Variants in CDKL4 observed in about 807,000 individuals in gnomAD.
CDKL4 encodes cyclin dependent kinase like 4.
A neutral mutation model predicts 42.0 loss-of-function variants in CDKL4; 44 were observed. That is an observed-to-expected ratio of 1.05 (90% confidence interval 0.82 to 1.35). The LOEUF (loss-of-function observed/expected upper bound fraction) is 1.35, where lower values mean the gene tolerates loss of function less well. Among genes scored for constraint, CDKL4 ranks in the 40% most tolerant of loss-of-function variants. CDKL4 has a pLI of 0.00. For missense variants in CDKL4, 393 were observed against 369.9 expected, an observed-to-expected ratio of 1.06 and a Z score of -0.51; for synonymous variants, 120 against 121.6, an observed-to-expected ratio of 0.99 and a Z score of 0.09.
At chr2:39,198,647 CA>C (rs1676664486) in intron 5 of CDKL4, among the ~76,000 whole-genome samples, 2 of 152,020 alleles carry the variant, frequency 1.3e-5, no homozygotes, top group Admixed American at 6.5e-5. Flanking sequence ...TCACAGATCA[CA>C]GTGGAATAGA....
intron 3 of CDKL4, 59 bp from the exon 4 acceptor site, chr2:39,213,531 G>A (rs1677712865): frequency 8.5e-6 from 10 of 1,181,762 alleles, no homozygotes; most frequent in Non-Finnish European, 1.3e-5. Flanking sequence ...CAGAAGCAAG[G>A]GCTGGGAATA....
At chr2:39,229,191 G>A in intron 2 of CDKL4, among the ~76,000 whole-genome samples, 174 bp downstream of exon 2, 1 of 152,172 alleles carries the variant, frequency 6.6e-6, no homozygotes, top group East Asian at 1.9e-4. Context: ...TTCATACACA[G>A]ACAAAATCAG....
intron 7 of CDKL4, among the ~76,000 whole-genome samples, chr2:39,185,282 GTATATATACATA>G (rs1387474618): frequency 2.9e-5 from 1 of 34,276 alleles, no homozygotes. Context: ...ATACACATAT[GTATATATACATA>G]TATATACACA....
chr2:39,188,542 C>T (rs1005379970), intron 6 of CDKL4, among the ~76,000 whole-genome samples: 10 of 103,634 alleles, frequency 9.6e-5, no homozygotes, highest in South Asian at 7.1e-4. Flanking sequence ...AGCCTGGCAA[C>T]AGAGTGACAG....
chr2:39,212,455 G>A (rs1257606986), intron 4 of CDKL4, among the ~76,000 whole-genome samples: 1 of 151,696 alleles, frequency 6.6e-6, no homozygotes, highest in Admixed American at 6.6e-5. Flanking sequence ...GGATGGTCTC[G>A]ATCTCCTGAC....
rs189840422 is a variant in CDKL4, at chr2:39,191,169, C to A, written c.455-667G>T. ...ATCCCAGCACTTTGGGAAGCCAAGG[C>A]AAGCAGATCATTAGAGGTCAGGAGT... On this transcript the variant is annotated intron_variant, in intron 5 of 9. Transcript: ENST00000451199. Among the ~76,000 whole-genome samples, 10 of 152,272 alleles carry A rather than the reference C, an allele frequency of 6.6e-5. No individual in the cohort carries two copies. In the East Asian group the frequency reaches 1.9e-3, roughly 29 times the overall value.
In CDKL4 at chr2:39,224,065, C is replaced by A. The variant is rs576974651; in HGVS notation, c.290+1774G>T. Among the ~76,000 whole-genome samples the A allele has an allele frequency of 2.0e-4, 30 of 152,208 alleles. No homozygotes were observed. In the South Asian group the frequency reaches 2.1e-3, roughly 11 times the overall value. On this transcript the variant is annotated intron_variant, in intron 3 of 9. Coordinates refer to ENST00000451199, the Ensembl canonical transcript of CDKL4. ...AATATATTTATTAATTGGATGTTAA[C>A]CTTTTAAAAAATGTTATTTGTAAAA...
downstream of CDKL4, among the ~76,000 whole-genome samples, chr2:39,172,836 C>T (rs928996036): frequency 2.6e-5 from 4 of 152,170 alleles, no homozygotes; most frequent in Admixed American, 2.6e-4. Flanking sequence ...CCTGCCTTGG[C>T]CTCCCAAAGT....
upstream of CDKL4, among the ~76,000 whole-genome samples, chr2:39,246,663 G>C (rs1457177047): frequency 6.6e-6 from 1 of 152,074 alleles, no homozygotes; most frequent in Non-Finnish European, 1.5e-5. Context: ...CTTTCTTACT[G>C]CATATGGTAA....
chr2:39,185,981 C>T (rs937981633), intron 7 of CDKL4, among the ~76,000 whole-genome samples: 5 of 152,046 alleles, frequency 3.3e-5, no homozygotes, highest in African/African-American at 1.2e-4. Flanking sequence ...CATGAAAATA[C>T]ATTGGACTAC....
intron 7 of CDKL4, among the ~76,000 whole-genome samples, chr2:39,186,215 CA>C (rs1452134757): frequency 2.0e-5 from 3 of 152,076 alleles, no homozygotes; most frequent in Admixed American, 1.3e-4. Context: ...AAGGCTTTAA[CA>C]AAGACAATAA....
chr2:39,189,819 C>CA (rs768994778), intron 6 of CDKL4, among the ~76,000 whole-genome samples: 2 of 152,216 alleles, frequency 1.3e-5, no homozygotes, highest in Non-Finnish European at 2.9e-5. Flanking sequence ...TTTTGCACTA[C>CA]AATAGCAGAG....
At chr2:39,188,984 T>C (rs1572954058) in intron 6 of CDKL4, among the ~76,000 whole-genome samples, 1 of 152,204 alleles carries the variant, frequency 6.6e-6, no homozygotes, top group East Asian at 1.9e-4. Flanking sequence ...TTGTCCAAGA[T>C]CACACAGTAA....
chr2:39,212,451 T>C (rs968086462), intron 4 of CDKL4, among the ~76,000 whole-genome samples: 1 of 151,870 alleles, frequency 6.6e-6, no homozygotes, highest in Non-Finnish European at 1.5e-5. Flanking sequence ...GCCAGGATGG[T>C]CTCGATCTCC....
chr2:39,214,851 C>T (rs1677819106), intron 3 of CDKL4, among the ~76,000 whole-genome samples: 1 of 152,132 alleles, frequency 6.6e-6, no homozygotes, highest in African/African-American at 2.4e-5. Context: ...GCAGACTCAT[C>T]CCTCTGTATA....
At chr2:39,194,752 T>A (rs1676408449) in intron 5 of CDKL4, among the ~76,000 whole-genome samples, 1 of 152,186 alleles carries the variant, frequency 6.6e-6, no homozygotes, top group Admixed American at 6.5e-5. Flanking sequence ...AATTTTTATC[T>A]CTCTGTGTAT....
intron 3 of CDKL4, among the ~76,000 whole-genome samples, chr2:39,225,512 CA>C (rs1364433521): frequency 3.9e-5 from 6 of 151,902 alleles, no homozygotes; most frequent in East Asian, 1.9e-4. Context: ...ATCAATCGTA[CA>C]TTTTTTTATC....
chr2:39,192,520 C>T (rs552909150), intron 5 of CDKL4, among the ~76,000 whole-genome samples: 4 of 139,382 alleles, frequency 2.9e-5, no homozygotes, highest in African/African-American at 1.0e-4. Flanking sequence ...GAAACCATGC[C>T]TGGTTAATTT....
intron 4 of CDKL4, among the ~76,000 whole-genome samples, chr2:39,211,792 C>T (rs762890470): frequency 1.1e-4 from 17 of 151,888 alleles, no homozygotes; most frequent in South Asian, 2.1e-4. Flanking sequence ...GGGGACCAAA[C>T]GAATACCTCC....
Sources: gnomAD v4.1 joint callset for allele counts (sites outside exome capture counted in the v4.1 genomes callset) on GRCh38, gnomAD v4.1.1 for gene constraint, MANE v1.5 for transcripts, NCBI Gene and HGNC (gene_info 2026-07-23, HGNC 2026-07-21) for gene names.